Variants in VEPH1 observed in about 807,000 individuals in gnomAD.
The protein encoded by VEPH1 is ventricular zone-expressed PH domain-containing protein homolog 1.
In VEPH1, 80 loss-of-function variants were observed where a neutral mutation model predicts 85.2. The observed-to-expected ratio is 0.94, with a 90% CI of 0.78 to 1.13. VEPH1 has a LOEUF of 1.13. VEPH1 is among the 50% of genes most tolerant of loss of function. VEPH1 has a pLI of 0.00. For missense variants in VEPH1, 955 were observed against 980.5 expected, an observed-to-expected ratio of 0.97 and a Z score of 0.35; for synonymous variants, 297 against 348.0, an observed-to-expected ratio of 0.85 and a Z score of 1.63.
chr3:157,369,198 A>C (rs902323714), intron 7 of VEPH1, among the ~76,000 whole-genome samples: 1 of 148,168 alleles, frequency 6.7e-6, no homozygotes, highest in African/African-American at 2.5e-5. Flanking sequence ...AAAAAAAAAA[A>C]AAAAAACCTC....
intron 11 of VEPH1, among the ~76,000 whole-genome samples, chr3:157,289,351 G>A (rs975572785): frequency 4.6e-5 from 7 of 152,142 alleles, no homozygotes; most frequent in South Asian, 2.1e-4. Context: ...AAGTTTAAAC[G>A]TTTCAGACAG....
At chr3:157,435,640 C>T (rs189727400) in intron 4 of VEPH1, among the ~76,000 whole-genome samples, 2 of 152,218 alleles carry the variant, frequency 1.3e-5, no homozygotes, top group Non-Finnish European at 2.9e-5. Flanking sequence ...TCTCACTTCA[C>T]TCCTATGCCA....
At chr3:157,375,629 C>CTATATTCAAACTCCAGG (rs1223154348) in intron 7 of VEPH1, among the ~76,000 whole-genome samples, 4 of 152,148 alleles carry the variant, frequency 2.6e-5, no homozygotes, top group Non-Finnish European at 4.4e-5. Flanking sequence ...AGTCATTTTT[C>CTATATTCAAACTCCAGG]TTTGAATATA....
chr3:157,354,819 T>C (rs1725248797), intron 9 of VEPH1, among the ~76,000 whole-genome samples: 1 of 152,204 alleles, frequency 6.6e-6, no homozygotes, highest in Non-Finnish European at 1.5e-5. Flanking sequence ...AATGAATGAA[T>C]CTGCTATTCA....
At chr3:157,274,164 T>A (rs1331766824) in intron 12 of VEPH1, among the ~76,000 whole-genome samples, 1 of 152,148 alleles carries the variant, frequency 6.6e-6, no homozygotes, top group East Asian at 1.9e-4. Context: ...ACATGCACCA[T>A]AAATGAAAGC....
At chr3:157,431,642 C>A (rs1242983249) in intron 4 of VEPH1, among the ~76,000 whole-genome samples, 1 of 151,758 alleles carries the variant, frequency 6.6e-6, no homozygotes. Context: ...CTTTGGGGGA[C>A]CAGTATTCTG....
At chr3:157,308,048 C>T (rs1719707006) in intron 11 of VEPH1, among the ~76,000 whole-genome samples, 1 of 151,730 alleles carries the variant, frequency 6.6e-6, no homozygotes, top group Non-Finnish European at 1.5e-5. Flanking sequence ...GATCTTATAT[C>T]AAATAACTTT....
In VEPH1 at chr3:157,381,350, G is replaced by C. The variant is rs745509201; in HGVS notation, c.933C>G (p.Tyr311Ter). The C allele has an allele frequency of 6.2e-7, 1 of 1,614,192 alleles. No homozygotes were observed. Among genetic ancestry groups the C allele is most frequent in the South Asian group, 1.1e-5 (1 of 91,078 alleles). ...DEERARSCLTYLVSQLANMEH... is the reference protein window; with the variant it reads ...DEERARSCLT ...CCATGTTGGCCAGTTGGCTCACCAG[G>C]TATGTCAGGCAGCTCCTGGCTCTCT... The change falls in exon 7 of 14, where the codon TAC becomes TAG. Residue 311 changes from tyrosine to a stop codon, truncating the protein, a stop_gained. Transcript: ENST00000362010. LOFTEE classifies it high-confidence loss of function.
chr3:157,290,896 TACA>T (rs764594191), intron 11 of VEPH1, among the ~76,000 whole-genome samples: 32 of 152,358 alleles, frequency 2.1e-4, no homozygotes, highest in Admixed American at 6.5e-4. Flanking sequence ...ATGAGAGATT[TACA>T]ACATCATTTC....
chr3:157,332,376 T>C (rs1581413), intron 9 of VEPH1, among the ~76,000 whole-genome samples: 70,264 of 151,964 alleles, frequency 0.46, 18,117 homozygotes, highest in Admixed American at 0.6. Flanking sequence ...CCCCCACATC[T>C]GTTAAGCAAT....
rs1553760172 is a variant in VEPH1, at chr3:157,299,577, AAAAG to A, written c.2011-12907_2011-12904del. The stretch of plus-strand genomic sequence containing the variant: ...CCTGTCTCAAAAAAAAAAAAAAAAA[AAAAG>A]AAAGAAAGAAAGAAACCTTTATCAT... On this transcript the variant is annotated intron_variant, in intron 11 of 13. Transcript: ENST00000362010. Among the ~76,000 whole-genome samples, 211 of 142,686 alleles carry A rather than the reference AAAAG, an allele frequency of 1.5e-3. 2 individuals are homozygous for A. Among genetic ancestry groups the A allele is most frequent in the Middle Eastern group, 0.011 (3 of 270 alleles). 93.6% of individuals were successfully genotyped at this position (142,686 alleles called of 152,430 possible).
At chr3:157,362,803 A>G (rs1434048153) in intron 9 of VEPH1, among the ~76,000 whole-genome samples, 1 of 152,184 alleles carries the variant, frequency 6.6e-6, no homozygotes, top group African/African-American at 2.4e-5. Context: ...TGCATTTTCA[A>G]CTTATAATGG....
intron 13 of VEPH1, among the ~76,000 whole-genome samples, chr3:157,263,693 T>C (rs1436822327): frequency 6.6e-6 from 1 of 152,192 alleles, no homozygotes; most frequent in African/African-American, 2.4e-5. Flanking sequence ...GAAAGTAGCA[T>C]GACTACACAG....
chr3:157,337,910 A>G (rs192316207), intron 9 of VEPH1, among the ~76,000 whole-genome samples: 119 of 152,266 alleles, frequency 7.8e-4, no homozygotes, highest in African/African-American at 2.7e-3. Context: ...AAAAATTGGC[A>G]GTTAATTTTT....
At chr3:157,404,269 G>A (rs951743223) in intron 6 of VEPH1, among the ~76,000 whole-genome samples, 2 of 152,084 alleles carry the variant, frequency 1.3e-5, no homozygotes, top group Non-Finnish European at 2.9e-5. Flanking sequence ...GGAGGTATAA[G>A]GTATGGTTCC....
intron 7 of VEPH1, among the ~76,000 whole-genome samples, chr3:157,364,907 A>G (rs760003441): frequency 3.3e-4 from 50 of 152,250 alleles, no homozygotes; most frequent in Non-Finnish European, 5.6e-4. Context: ...ACAGAATAAG[A>G]ACATTTCACA....
In VEPH1 at chr3:157,260,284, A is replaced by G. The variant is rs939727619; in HGVS notation, c.*850T>C. On this transcript the variant is annotated 3_prime_UTR_variant, in exon 14 of 14. Coordinates refer to ENST00000362010, the MANE Select transcript of VEPH1 (RefSeq NM_001167912.2). The stretch of plus-strand genomic sequence containing the variant: ...GAATTCTGTCTATCATAGTGTAATT[A>G]TATATCTATGTAGTGAAAAAAATAG... 7.2e-5 allele frequency: 11 copies of G among 152,192 alleles called. No homozygotes were observed. Among genetic ancestry groups the G allele is most frequent in the African/African-American group, 2.4e-4 (10 of 41,446 alleles). The allele number at this position is 152,192 out of a possible 1,614,324, so 9.4% of individuals were successfully genotyped here.
intron 6 of VEPH1, among the ~76,000 whole-genome samples, chr3:157,397,133 C>T (rs1031185845): frequency 1.3e-5 from 2 of 152,274 alleles, no homozygotes; most frequent in African/African-American, 4.8e-5. Context: ...GATCCAGTTT[C>T]AATTTTCTAC....
At chr3:157,385,885 T>C (rs886861861) in intron 6 of VEPH1, among the ~76,000 whole-genome samples, 1 of 152,202 alleles carries the variant, frequency 6.6e-6, no homozygotes, top group Non-Finnish European at 1.5e-5. Flanking sequence ...CTTTGAAATA[T>C]TAAGCATTAG....
Sources: gnomAD v4.1 joint callset for allele counts (sites outside exome capture counted in the v4.1 genomes callset) on GRCh38, gnomAD v4.1.1 for gene constraint, MANE v1.5 for transcripts, NCBI Gene and HGNC (gene_info 2026-07-23, HGNC 2026-07-21) for gene names.